PTPRK: variants seen among roughly 807,000 people sequenced by gnomAD.
PTPRK encodes protein tyrosine phosphatase receptor type K, also known as receptor-type tyrosine-protein phosphatase kappa.
Under a neutral mutation model 178.0 loss-of-function variants are expected in PTPRK, and 75 were observed. The ratio of observed to expected loss-of-function variants is 0.42; its 90% CI spans 0.35 to 0.51. PTPRK has a LOEUF of 0.51. Among genes scored for constraint, PTPRK ranks in the 20% least tolerant of loss-of-function variants. The pLI, the probability that PTPRK is intolerant of heterozygous loss-of-function variation, is 0.02. For synonymous variants in PTPRK, 637 were observed against 620.6 expected (o/e 1.03, Z -0.39); for missense variants, 1,441 against 1,797.8 (o/e 0.80, Z 3.59).
chr6:128,374,811 T>C (rs146076912), intron 2 of PTPRK, among the ~76,000 whole-genome samples: 1 of 152,256 alleles, frequency 6.6e-6, no homozygotes, highest in Non-Finnish European at 1.5e-5. Context: ...GAAGTACTGA[T>C]AATAGCCATA....
At chr6:128,435,126 A>AGGC (rs1845419474) in intron 1 of PTPRK, among the ~76,000 whole-genome samples, 2 of 79,462 alleles carry the variant, frequency 2.5e-5, no homozygotes, top group Admixed American at 1.1e-4. Context: ...GGCAGGCAGG[A>AGGC]AGGCAGGCAG....
At chr6:128,368,423 G>T (rs940483752) in intron 2 of PTPRK, among the ~76,000 whole-genome samples, 13 of 150,974 alleles carry the variant, frequency 8.6e-5, no homozygotes, top group African/African-American at 2.4e-4. Context: ...AGACAAATCT[G>T]TGACGAGGCC....
chr6:128,148,557 C>A (rs1012913884), intron 7 of PTPRK, among the ~76,000 whole-genome samples: 16 of 151,944 alleles, frequency 1.1e-4, no homozygotes, highest in African/African-American at 3.6e-4. Flanking sequence ...CTCTATAATC[C>A]CTTCCAATTC....
intron 5 of PTPRK, among the ~76,000 whole-genome samples, chr6:128,226,517 A>C (rs1811318113): frequency 6.6e-6 from 1 of 151,880 alleles, no homozygotes; most frequent in South Asian, 2.1e-4. Context: ...AGTGGACTGG[A>C]TTGAATCAGT....
At chr6:128,102,237 G>A (rs1788913678) in intron 7 of PTPRK, among the ~76,000 whole-genome samples, 1 of 152,160 alleles carries the variant, frequency 6.6e-6, no homozygotes, top group Admixed American at 6.5e-5. Flanking sequence ...CAAATAATTA[G>A]CAAGAAATTA....
intron 7 of PTPRK, among the ~76,000 whole-genome samples, chr6:128,127,735 T>C (rs1421543980): frequency 6.6e-6 from 1 of 152,230 alleles, no homozygotes; most frequent in African/African-American, 2.4e-5. Context: ...AAGCAGAATA[T>C]TGACATATCT....
intron 3 of PTPRK, among the ~76,000 whole-genome samples, chr6:128,309,912 C>G (rs2128315647): frequency 6.6e-6 from 1 of 152,042 alleles, no homozygotes; most frequent in Non-Finnish European, 1.5e-5. Context: ...CACTGTCTTT[C>G]TAGTAGAGGT....
At chr6:128,496,600 C>T (rs1306547055) in intron 1 of PTPRK, among the ~76,000 whole-genome samples, 2 of 152,146 alleles carry the variant, frequency 1.3e-5, no homozygotes, top group Admixed American at 1.3e-4. Context: ...CTGTCCTGAA[C>T]GATCAGAAAG....
At chr6:128,008,040 G>T in intron 14 of PTPRK, 1 of 1,340,598 alleles carries the variant, frequency 7.5e-7, no homozygotes, top group Admixed American at 1.9e-5. Context: ...ACACTATAAT[G>T]CATACCTAAT....
At chr6:128,174,809 T>C (rs1168070172) in intron 7 of PTPRK, among the ~76,000 whole-genome samples, 1 of 151,926 alleles carries the variant, frequency 6.6e-6, no homozygotes, top group Non-Finnish European at 1.5e-5. Flanking sequence ...ATTTTACTGA[T>C]TGACTGCTTG....
chr6:128,066,506 T>TC (rs979754393), intron 12 of PTPRK, among the ~76,000 whole-genome samples: 6 of 49,422 alleles, frequency 1.2e-4, no homozygotes, highest in South Asian at 0.013. Flanking sequence ...CCAATTAAAC[T>TC]CTTTAAGATA....
rs529039333 is a variant in PTPRK, at chr6:128,344,997, T to TG, written c.224-22688dup. 1.9e-3 allele frequency among the ~76,000 whole-genome samples: 285 copies of TG among 149,214 alleles called. 1 individual carries two copies. Among genetic ancestry groups the TG allele is most frequent in the Non-Finnish European group, 3.3e-3 (222 of 67,554 alleles). ...GAAAATTATCCTGAATGTAGGAGAA[T>TG]GGGGGGGGAAAGTAGGTCTCAGTAT... On this transcript the variant is annotated intron_variant, in intron 2 of 29. Coordinates refer to ENST00000368226, the MANE Select transcript of PTPRK (RefSeq NM_002844.4).
intron 3 of PTPRK, among the ~76,000 whole-genome samples, chr6:128,291,944 T>C (rs961965684): frequency 5.3e-5 from 8 of 152,078 alleles, no homozygotes; most frequent in South Asian, 2.1e-4. Flanking sequence ...CTTTAACCAA[T>C]TGAAGAAAAA....
At chr6:128,355,933 T>A (rs1833897175) in intron 2 of PTPRK, among the ~76,000 whole-genome samples, 1 of 152,234 alleles carries the variant, frequency 6.6e-6, no homozygotes, top group South Asian at 2.1e-4. Context: ...CCTTTAGTCA[T>A]TTTCAACCCA....
intron 2 of PTPRK, among the ~76,000 whole-genome samples, chr6:128,338,763 A>C (rs1831281326): frequency 1.3e-5 from 2 of 152,098 alleles, no homozygotes; most frequent in Admixed American, 1.3e-4. Context: ...TGATTTGGTC[A>C]CCTGTTGATG....
chr6:128,327,374 C>T (rs1356750859), intron 2 of PTPRK, among the ~76,000 whole-genome samples: 3 of 152,070 alleles, frequency 2.0e-5, no homozygotes. Flanking sequence ...TGAATGTGCC[C>T]TATAAACTAA....
At chr6:128,295,931 T>C (rs563861505) in intron 3 of PTPRK, among the ~76,000 whole-genome samples, 2 of 152,130 alleles carry the variant, frequency 1.3e-5, no homozygotes, top group Non-Finnish European at 2.9e-5. Context: ...AAGAAAAGTT[T>C]AGACTTACAT....
chr6:128,022,961 G>A (rs538668843), intron 13 of PTPRK, among the ~76,000 whole-genome samples: 11 of 152,214 alleles, frequency 7.2e-5, no homozygotes, highest in Non-Finnish European at 1.2e-4. Context: ...ATCACTGCAC[G>A]AACCAAAATG....
At chr6:128,138,028 C>G (rs1795261602) in intron 7 of PTPRK, among the ~76,000 whole-genome samples, 1 of 152,054 alleles carries the variant, frequency 6.6e-6, no homozygotes, top group Admixed American at 6.6e-5. Flanking sequence ...ACAAAATATA[C>G]AGCTTTATAA....
Sources: allele counts gnomAD v4.1 joint callset (sites outside exome capture counted in the v4.1 genomes callset), GRCh38; gene constraint gnomAD v4.1.1; transcripts MANE v1.5; gene names NCBI Gene and HGNC (gene_info 2026-07-23, HGNC 2026-07-21).